Variants in PLEKHG7 observed in about 807,000 individuals in gnomAD.
PLEKHG7 encodes pleckstrin homology domain-containing family G member 7.
PLEKHG7 carries 77 observed loss-of-function variants against 85.2 expected under a neutral mutation model. That is an observed-to-expected ratio of 0.90 (90% CI 0.75 to 1.09). The LOEUF (loss-of-function observed/expected upper bound fraction) is 1.09, where lower values mean the gene tolerates loss of function less well. PLEKHG7 is among the 50% of genes least tolerant of loss of function. The pLI is 0.00. For missense variants in PLEKHG7, 777 were observed against 804.3 expected, an observed-to-expected ratio of 0.97 and a Z score of 0.41; for synonymous variants, 301 against 302.4, an observed-to-expected ratio of 1.00 and a Z score of 0.05.
At chr12:92,766,763 G>A (rs1247066444) in intron 15 of PLEKHG7, among the ~76,000 whole-genome samples, 1 of 152,224 alleles carries the variant, frequency 6.6e-6, no homozygotes, top group Non-Finnish European at 1.5e-5. Context: ...CCAGAAGGCA[G>A]AGGTTGCAGT....
intron 3 of PLEKHG7, among the ~76,000 whole-genome samples, chr12:92,724,797 G>A (rs1399329322): frequency 6.6e-6 from 1 of 152,050 alleles, no homozygotes; most frequent in East Asian, 1.9e-4. Flanking sequence ...GCCAGGTTTG[G>A]GTCACATGGC....
Position 92,764,162 on chromosome 12 carries a change from T to C in PLEKHG7, c.1838T>C (p.Val613Ala). 6.2e-7 allele frequency: 1 copy of C among 1,607,470 alleles called. No homozygotes were observed. Among genetic ancestry groups the C allele is most frequent in the Non-Finnish European group, 8.5e-7 (1 of 1,176,516 alleles). The change falls in exon 15 of 17, where the codon GTA becomes GCA. Residue 613 changes from valine to alanine, a missense_variant. Val to Ala is a moderately conservative substitution (Grantham distance 64). Transcript: ENST00000344636. ...CAGCCTATTCCACTAGATAGATTGG[T>C]AGTCAAAAGTATTGAACCACTCCAT... ...LDQPIPLDRL[V>A]VKSIEPLHVS...
At chr12:92,712,389 G>A (rs1274580705) in intron 3 of PLEKHG7, among the ~76,000 whole-genome samples, 1 of 152,208 alleles carries the variant, frequency 6.6e-6, no homozygotes, top group Non-Finnish European at 1.5e-5. Flanking sequence ...CCAAGTCACT[G>A]GCTGCATACC....
rs1592682910 is a variant in PLEKHG7, at chr12:92,745,343, C to T, written c.1138-135C>T. Reference sequence around the variant, plus strand: ...CCTTTGTATTTCCATGCAGTTGTGGCGCCTGCTTGATCATGGCGACTCCTC... The same window carrying T: ...CCTTTGTATTTCCATGCAGTTGTGGTGCCTGCTTGATCATGGCGACTCCTC... On this transcript the variant is annotated intron_variant, in intron 9 of 16. Transcript: ENST00000344636. 18 of 607,770 alleles carry T rather than the reference C, an allele frequency of 3.0e-5. No homozygotes were observed. The South Asian group carries it at 3.0e-4, about 10-fold the overall frequency. The allele number at this position is 607,770 out of a possible 1,614,324, so 37.6% of individuals were successfully genotyped here.
At chr12:92,741,455 T>A (rs1204090657) in intron 8 of PLEKHG7, 36 bp from the exon 9 acceptor site, 10 of 1,383,178 alleles carry the variant, frequency 7.2e-6, no homozygotes, top group African/African-American at 2.9e-5. Flanking sequence ...ACCCTGGGTG[T>A]GTGCCTATTT....
intron 3 of PLEKHG7, chr12:92,721,314 G>T: frequency 2.1e-6 from 1 of 485,498 alleles, no homozygotes; most frequent in Non-Finnish European, 3.2e-6. Flanking sequence ...GCTGACACAT[G>T]GGTGCACGGC....
At chr12:92,769,187 C>T (rs2136638258) in intron 16 of PLEKHG7, 107 bp downstream of exon 16, 1 of 836,312 alleles carries the variant, frequency 1.2e-6, no homozygotes, top group South Asian at 1.9e-5. Context: ...TTCTCTCACC[C>T]ACTTGGGAAG....
rs1428447414 is a variant in PLEKHG7 at position 92,771,453 on chromosome 12, C to A, written c.*1258C>A. The A allele has an allele frequency of 6.6e-6, 1 of 151,820 alleles. No homozygotes were observed. Among genetic ancestry groups the A allele is most frequent in the Non-Finnish European group, 1.5e-5 (1 of 67,894 alleles). 9.4% of individuals were successfully genotyped at this position (151,820 alleles called of 1,614,324 possible). On this transcript the variant is annotated 3_prime_UTR_variant, in exon 17 of 17. Coordinates refer to ENST00000344636, the MANE Select transcript of PLEKHG7 (RefSeq NM_001377329.1). ...GCACTATTAGAATGGAGACTAATAA[C>A]CTCTTTATAATAATGTCAGAAATTT...
chr12:92,749,996 TTTA>T (rs1228038403), intron 10 of PLEKHG7, among the ~76,000 whole-genome samples: 71 of 134,196 alleles, frequency 5.3e-4, no homozygotes, highest in African/African-American at 2.1e-3. Flanking sequence ...ATTATTTTAT[TTTA>T]TTATTTTATT....
chr12:92,725,840 A>G (rs1016704653), intron 3 of PLEKHG7, among the ~76,000 whole-genome samples: 1 of 152,234 alleles, frequency 6.6e-6, no homozygotes, highest in East Asian at 1.9e-4. Context: ...GGAAAAGCCT[A>G]TATCAAGTTA....
chr12:92,745,389 A>T, intron 9 of PLEKHG7, 89 bp from the exon 10 acceptor site: 1 of 855,452 alleles, frequency 1.2e-6, no homozygotes, highest in Non-Finnish European at 1.9e-6. Context: ...TGTTCTAGTT[A>T]ATGATAAAAG....
intron 10 of PLEKHG7, among the ~76,000 whole-genome samples, chr12:92,748,294 T>G (rs1002901720): frequency 6.6e-6 from 1 of 151,074 alleles, no homozygotes; most frequent in Non-Finnish European, 1.5e-5. Flanking sequence ...TCACCCAGGC[T>G]GGAGTGCGGT....
intron 5 of PLEKHG7, among the ~76,000 whole-genome samples, chr12:92,732,761 T>C (rs1189184265): frequency 6.6e-6 from 1 of 152,158 alleles, no homozygotes; most frequent in East Asian, 1.9e-4. Context: ...CCATCAATAA[T>C]TGACGAGTTA....
At chr12:92,711,671 A>G (rs1049612345) in intron 3 of PLEKHG7, among the ~76,000 whole-genome samples, 2 of 152,138 alleles carry the variant, frequency 1.3e-5, no homozygotes, top group African/African-American at 4.8e-5. Context: ...TTGCTCCAAA[A>G]TCCTAGAGGT....
chr12:92,737,240 G>A (rs1006690483), intron 6 of PLEKHG7, 138 bp from the exon 7 acceptor site: 5 of 719,072 alleles, frequency 7.0e-6, no homozygotes, highest in Non-Finnish European at 9.7e-6. Context: ...TGTCAAGAGG[G>A]ATGCCCAGGG....
At chr12:92,751,532 A>ATT (rs34430958) in intron 10 of PLEKHG7, among the ~76,000 whole-genome samples, 9,095 of 147,942 alleles carry the variant, frequency 0.061, 313 homozygotes, top group Middle Eastern at 0.096. Context: ...TGCCTGGCTA[A>ATT]TTTTTTTTTT....
intron 3 of PLEKHG7, among the ~76,000 whole-genome samples, chr12:92,727,737 C>T (rs575927144): frequency 3.7e-4 from 56 of 151,958 alleles, no homozygotes; most frequent in Non-Finnish European, 6.0e-4. Context: ...TACAGGCATG[C>T]ACCACCATGC....
At chr12:92,751,236 G>A (rs189884628) in intron 10 of PLEKHG7, among the ~76,000 whole-genome samples, 41 of 152,322 alleles carry the variant, frequency 2.7e-4, no homozygotes, top group Non-Finnish European at 5.7e-4. Flanking sequence ...TCAGCACGTT[G>A]CCTAATTTGT....
chr12:92,732,345 G>A, intron 5 of PLEKHG7, 72 bp downstream of exon 5: 1 of 905,262 alleles, frequency 1.1e-6, no homozygotes, highest in Admixed American at 4.3e-5. Context: ...AATGGCTGAA[G>A]AGTCTCTTCA....
Sources: gnomAD v4.1 joint callset for allele counts (sites outside exome capture counted in the v4.1 genomes callset) on GRCh38, gnomAD v4.1.1 for gene constraint, MANE v1.5 for transcripts, NCBI Gene and HGNC (gene_info 2026-07-23, HGNC 2026-07-21) for gene names.